Variants in ATRNL1 observed in about 807,000 individuals in gnomAD.
ATRNL1 encodes the protein attractin-like protein 1.
ATRNL1 carries 95 observed loss-of-function variants against 182.7 expected under a neutral mutation model. That is an observed-to-expected ratio of 0.52 (90% CI 0.44 to 0.62). ATRNL1 has a LOEUF of 0.62. ATRNL1 is among the 20% of genes least tolerant of loss of function. The probability of loss-of-function intolerance (pLI) is 0.00; values close to 1 mark genes in which losing one functional copy is unlikely to be tolerated. For missense variants in ATRNL1, 1,471 were observed against 1,679.5 expected, an observed-to-expected ratio of 0.88 and a Z score of 2.17; for synonymous variants, 576 against 568.3, an observed-to-expected ratio of 1.01 and a Z score of -0.19.
rs1848603558 is a variant in ATRNL1 at position 115,477,893 on chromosome 10, C to T, written c.3654+8564C>T. Among the ~76,000 whole-genome samples the T allele has an allele frequency of 2.0e-5, 3 of 151,606 alleles. No individual in the cohort carries two copies. The South Asian group carries it at 6.2e-4, about 31-fold the overall frequency. On this transcript the variant is annotated intron_variant, in intron 24 of 28. Transcript: ENST00000355044. ...CTGCTGCAAAGTGAATTATATGTAA[C>T]ATTTTCATCAATGCCAATTCTAATG...
At chr10:115,568,287 A>G (rs1555002495) in intron 26 of ATRNL1, among the ~76,000 whole-genome samples, 1 of 152,068 alleles carries the variant, frequency 6.6e-6, no homozygotes, top group Non-Finnish European at 1.5e-5. Flanking sequence ...AATAAATTAT[A>G]ATTGGTTTCA....
At chr10:115,201,210 G>T (rs1185441918) in intron 8 of ATRNL1, among the ~76,000 whole-genome samples, 2 of 149,882 alleles carry the variant, frequency 1.3e-5, no homozygotes, top group African/African-American at 4.9e-5. Context: ...AGTTTCTTTT[G>T]CTGTGCAGAA....
chr10:115,237,158 T>C (rs1377898256), intron 9 of ATRNL1, among the ~76,000 whole-genome samples: 2 of 152,216 alleles, frequency 1.3e-5, no homozygotes, highest in African/African-American at 4.8e-5. Flanking sequence ...TTGAAGAACA[T>C]CTTGGTTGCC....
chr10:115,290,464 G>A (rs1554920508), intron 15 of ATRNL1, among the ~76,000 whole-genome samples: 1 of 152,120 alleles, frequency 6.6e-6, no homozygotes, highest in Non-Finnish European at 1.5e-5. Flanking sequence ...AGACCAGCCT[G>A]GCCAACAAGG....
intron 5 of ATRNL1, among the ~76,000 whole-genome samples, chr10:115,154,544 A>G (rs900390024): frequency 1.3e-5 from 2 of 152,140 alleles, no homozygotes; most frequent in African/African-American, 4.8e-5. Context: ...AGTCTGTTTT[A>G]TCAGAGAAAA....
At chr10:115,240,966 A>G (rs1031985185) in intron 9 of ATRNL1, among the ~76,000 whole-genome samples, 1 of 152,050 alleles carries the variant, frequency 6.6e-6, no homozygotes, top group South Asian at 2.1e-4. Context: ...TATAGACTCC[A>G]CTTAGGTAAG....
chr10:115,380,738 TATA>T (rs1386365746), intron 19 of ATRNL1, among the ~76,000 whole-genome samples: 3 of 152,326 alleles, frequency 2.0e-5, no homozygotes, highest in East Asian at 3.9e-4. Flanking sequence ...AAAATTCAAT[TATA>T]ATATCCAATT....
chr10:115,295,481 G>T (rs534205231), intron 15 of ATRNL1, among the ~76,000 whole-genome samples: 1 of 152,302 alleles, frequency 6.6e-6, no homozygotes, highest in South Asian at 2.1e-4. Flanking sequence ...AACAGTGGCA[G>T]CCTGTGGAAC....
At chr10:115,657,387 A>G (rs1228952897) in intron 26 of ATRNL1, among the ~76,000 whole-genome samples, 1 of 152,126 alleles carries the variant, frequency 6.6e-6, no homozygotes, top group Non-Finnish European at 1.5e-5. Context: ...ACATTTTTTG[A>G]AAGGATAAAT....
chr10:115,236,327 A>C (rs1554901399), intron 9 of ATRNL1, among the ~76,000 whole-genome samples: 2 of 152,160 alleles, frequency 1.3e-5, no homozygotes, highest in Non-Finnish European at 2.9e-5. Context: ...ATCTGTGCTT[A>C]AATGCTGTCT....
intron 26 of ATRNL1, among the ~76,000 whole-genome samples, chr10:115,634,470 T>G (rs1858730482): frequency 6.6e-6 from 1 of 151,964 alleles, no homozygotes; most frequent in African/African-American, 2.4e-5. Context: ...GAACAATGAG[T>G]TTAATTGACC....
At position 115,776,004 on chromosome 10, in the gene ATRNL1, G is replaced by T. The variant is rs150643563; in HGVS notation, c.3903+48649G>T. Among the ~76,000 whole-genome samples, 390 of 150,590 alleles carry T rather than the reference G, an allele frequency of 2.6e-3. 2 individuals carry two copies. The highest frequency in any genetic ancestry group is 9.2e-3 in the African/African-American group (377 of 40,970). ...GAGAAAATGAATTTACAGAAAAGTC[G>T]AATATTCTTTTATTAAAGCAGCTCT... is the stretch of plus-strand genomic sequence containing the variant. On this transcript the variant is annotated intron_variant, in intron 27 of 28. Coordinates refer to ENST00000355044, the MANE Select transcript of ATRNL1 (RefSeq NM_207303.4).
chr10:115,156,819 G>A (rs1846540959), intron 5 of ATRNL1, among the ~76,000 whole-genome samples: 1 of 151,976 alleles, frequency 6.6e-6, no homozygotes, highest in African/African-American at 2.4e-5. Context: ...AGTATGAAGT[G>A]GTAGAATAAT....
At position 115,137,862 on chromosome 10, in the gene ATRNL1, A is replaced by C. The variant is rs539731276; in HGVS notation, c.829+8327A>C. On this transcript the variant is annotated intron_variant, in intron 5 of 28. Coordinates refer to ENST00000355044, the MANE Select transcript of ATRNL1 (RefSeq NM_207303.4). ...CCCCGAAGTCATAACTCATTTCAGC[A>C]TTAACTCTAAAGTCCTAAGTCTCAT... is the stretch of plus-strand genomic sequence containing the variant. Among the ~76,000 whole-genome samples, 18 of 152,330 alleles carry C rather than the reference A, an allele frequency of 1.2e-4. No individual in the cohort carries two copies. In the South Asian group the frequency reaches 2.5e-3, roughly 21 times the overall value.
intron 5 of ATRNL1, among the ~76,000 whole-genome samples, chr10:115,156,688 G>T (rs1351144376): frequency 6.6e-6 from 1 of 152,020 alleles, no homozygotes; most frequent in African/African-American, 2.4e-5. Context: ...GCACTATAAG[G>T]TGAATTTGTT....
chr10:115,804,700 CT>C, intron 27 of ATRNL1, among the ~76,000 whole-genome samples: 1 of 152,272 alleles, frequency 6.6e-6, no homozygotes, highest in Non-Finnish European at 1.5e-5. Context: ...CTCAAGGATC[CT>C]TAAAATAAAA....
rs1555125898 is a variant in ATRNL1, at chr10:115,946,757, A to G, written c.*1978A>G. 1 of 152,154 alleles carries G rather than the reference A, an allele frequency of 6.6e-6. No individual in the cohort carries two copies. The highest frequency in any genetic ancestry group is 1.9e-4 in the East Asian group (1 of 5,192). The allele number at this position is 152,154 out of a possible 1,614,324, so 9.4% of individuals were successfully genotyped here. A position where few individuals can be genotyped will look rare whatever the true frequency, so the allele number is the denominator to read the frequency against. ...CCTCTAAATATTGACTTCTCTCATG[A>G]AAAAATAAATTGATGAAACTAATGA... On this transcript the variant is annotated 3_prime_UTR_variant, in exon 29 of 29. Coordinates refer to ENST00000355044, the MANE Select transcript of ATRNL1 (RefSeq NM_207303.4).
chr10:115,205,344 T>C (rs1318405841), intron 8 of ATRNL1, among the ~76,000 whole-genome samples: 1 of 152,016 alleles, frequency 6.6e-6, no homozygotes, highest in East Asian at 1.9e-4. Context: ...GATTTATATT[T>C]AATGTAATTA....
At chr10:115,226,876 T>A (rs1321977608) in intron 9 of ATRNL1, among the ~76,000 whole-genome samples, 1 of 152,158 alleles carries the variant, frequency 6.6e-6, no homozygotes, top group Non-Finnish European at 1.5e-5. Context: ...GCTAGCCATA[T>A]GCCAAAGATT....
Sources: gnomAD v4.1 joint callset for allele counts (sites outside exome capture counted in the v4.1 genomes callset) on GRCh38, gnomAD v4.1.1 for gene constraint, MANE v1.5 for transcripts, NCBI Gene and HGNC (gene_info 2026-07-23, HGNC 2026-07-21) for gene names.